Variants in PEMT observed in about 807,000 individuals in gnomAD.
The protein encoded by PEMT is phospholipid methyltransferase.
PEMT carries 23 observed loss-of-function variants against 27.4 expected under a neutral mutation model. The ratio of observed to expected loss-of-function variants is 0.84; its 90% CI spans 0.60 to 1.19. The LOEUF (loss-of-function observed/expected upper bound fraction) is 1.19, where lower values mean the gene tolerates loss of function less well. PEMT is among the 50% of genes most tolerant of loss of function. The pLI, the probability that PEMT is intolerant of heterozygous loss-of-function variation, is 0.00. For synonymous variants in PEMT, 137 were observed against 139.1 expected (o/e 0.98, Z 0.11); for missense variants, 307 against 310.1 (o/e 0.99, Z 0.07).
chr17:17,591,657 GC>G lies in PEMT; in HGVS notation c.-32del. ...GGCCGCCTCAGGAGGCACCACGCGG[GC>G]CCCGCTGCAGCCACGCGCCCCCGGA... is the stretch of plus-strand genomic sequence containing the variant. On this transcript the variant is annotated 5_prime_UTR_variant, in exon 1 of 7. Transcript: ENST00000255389. The G allele has an allele frequency of 6.3e-7, 1 of 1,597,088 alleles. No individual in the cohort carries two copies. The highest frequency in any genetic ancestry group is 1.1e-5 in the South Asian group (1 of 88,932).
chr17:17,524,602 A>G (rs1374892944), intron 2 of PEMT, among the ~76,000 whole-genome samples: 4 of 28,336 alleles, frequency 1.4e-4, no homozygotes, highest in African/African-American at 4.2e-4. Context: ...TGTCTCTCCA[A>G]AAAAAAAAAA....
At chr17:17,559,173 G>A (rs911876808) in intron 2 of PEMT, among the ~76,000 whole-genome samples, 9 of 152,160 alleles carry the variant, frequency 5.9e-5, no homozygotes, top group Non-Finnish European at 8.8e-5. Flanking sequence ...GTGTGCTGGC[G>A]AGGCTGGTCC....
At chr17:17,552,422 CTAA>C (rs762608980) in intron 2 of PEMT, among the ~76,000 whole-genome samples, 2 of 152,248 alleles carry the variant, frequency 1.3e-5, no homozygotes, top group Non-Finnish European at 2.9e-5. Flanking sequence ...ATTCTCATGT[CTAA>C]TAAGGGCCTT....
intron 2 of PEMT, among the ~76,000 whole-genome samples, chr17:17,536,668 C>T (rs1161714507): frequency 6.6e-6 from 1 of 152,210 alleles, no homozygotes; most frequent in Non-Finnish European, 1.5e-5. Context: ...ACAGAGCTGT[C>T]CCTTCCTCAC....
chr17:17,583,631 GC>G (rs1406944905), intron 1 of PEMT, among the ~76,000 whole-genome samples: 3 of 152,164 alleles, frequency 2.0e-5, no homozygotes, highest in Non-Finnish European at 4.4e-5. Flanking sequence ...GATGAGACAG[GC>G]CACCTGAGGT....
At chr17:17,528,099 A>G (rs1012990085) in intron 2 of PEMT, among the ~76,000 whole-genome samples, 4 of 152,328 alleles carry the variant, frequency 2.6e-5, no homozygotes, top group South Asian at 2.1e-4. Flanking sequence ...AGCTTTGCCA[A>G]GGGCCCACGG....
At chr17:17,525,038 C>T (rs952858184) in intron 2 of PEMT, among the ~76,000 whole-genome samples, 2 of 152,052 alleles carry the variant, frequency 1.3e-5, no homozygotes, top group African/African-American at 2.4e-5. Context: ...ACCTAGGAGG[C>T]GGAGGTTGCA....
chr17:17,574,862 G>C (rs1423557824), intron 2 of PEMT, among the ~76,000 whole-genome samples: 1 of 152,216 alleles, frequency 6.6e-6, no homozygotes, highest in East Asian at 1.9e-4. Context: ...AAGCCAGAGG[G>C]CAGGGACCTC....
intron 1 of PEMT, among the ~76,000 whole-genome samples, chr17:17,587,682 C>G (rs1470906195): frequency 2.0e-5 from 3 of 151,978 alleles, no homozygotes; most frequent in Non-Finnish European, 2.9e-5. Context: ...GGCCAACAAC[C>G]CTGTCGCTAC....
chr17:17,576,980 CA>C lies in PEMT; in HGVS notation c.143del (p.Leu48ArgfsTer32), dbSNP rs900741142. 7 of 1,613,940 alleles carry C rather than the reference CA, an allele frequency of 4.3e-6. No homozygotes were observed. Among genetic ancestry groups the C allele is most frequent in the African/African-American group, 4.0e-5 (3 of 74,908 alleles). Reference protein sequence around the residue: ...MTRLLGYVDPLDPSFVAAVIT... With the variant: ...MTRLLGYVDPXDPSFVAAVIT... ...TGACGGCAGCCACAAAGCTGGGATC[CA>C]GGGGGTCCACGTAGCCCAGCAGCCG... On this transcript the variant is annotated frameshift_variant, in exon 2 of 7. Coordinates refer to ENST00000255389, the MANE Select transcript of PEMT (RefSeq NM_148172.3). LOFTEE classifies it high-confidence loss of function.
intron 2 of PEMT, among the ~76,000 whole-genome samples, chr17:17,528,579 C>T (rs1907865206): frequency 6.6e-6 from 1 of 152,198 alleles, no homozygotes; most frequent in South Asian, 2.1e-4. Context: ...GGCCCTAAGG[C>T]CCCCAGGGTA....
rs1259286960 is a variant in PEMT at position 17,522,293 on chromosome 17, G to A, written c.307C>T (p.Leu103=). 1.9e-6 allele frequency: 3 copies of A among 1,612,510 alleles called. No homozygotes were observed. In the East Asian group the frequency reaches 6.7e-5, roughly 36 times the overall value. The part of the protein sequence containing the change: ...LSVTILLLNF[L]RSHCFTQAML... ...AGCTGTGCTTACCAGTGCGAGCGCA[G>A]GAAGTTCAGGAGCAGGATGGTGACG... The change falls in exon 3 of 7, where the codon CTG becomes TTG. Residue 103 remains leucine (L), a synonymous_variant. Transcript: ENST00000255389.
At chr17:17,507,136 T>C in intron 5 of PEMT, 13 of 1,553,388 alleles carry the variant, frequency 8.4e-6, no homozygotes, top group Non-Finnish European at 1.0e-5. Context: ...ATAGCTGCCG[T>C]CAAGCTGTCC....
Position 17,523,413 on chromosome 17 carries a change from G to A in PEMT, c.205-1018C>T, listed in dbSNP as rs1212763836. 6.6e-6 allele frequency among the ~76,000 whole-genome samples: 1 copy of A among 152,236 alleles called. No homozygotes were observed. The highest frequency in any genetic ancestry group is 1.5e-5 in the Non-Finnish European group (1 of 68,044). ...TAGCGATGATTTCCTCAAGGCCACT[G>A]ACTCCCAGAAGGTGGCTCCCTAGTG... is the stretch of plus-strand genomic sequence containing the variant. On this transcript the variant is annotated intron_variant, in intron 2 of 6. Transcript: ENST00000255389. The surrounding 1 kb of genome is among the most constrained non-coding windows in gnomAD (Gnocchi z 4.8).
At chr17:17,530,787 C>G (rs143712577) in intron 2 of PEMT, among the ~76,000 whole-genome samples, 2 of 151,880 alleles carry the variant, frequency 1.3e-5, no homozygotes, top group Non-Finnish European at 2.9e-5. Context: ...AAAAGTGGTA[C>G]AAAAATGAAA....
chr17:17,516,156 T>C (rs1037764269), intron 3 of PEMT, among the ~76,000 whole-genome samples: 14 of 152,122 alleles, frequency 9.2e-5, no homozygotes, highest in Non-Finnish European at 1.3e-4. Flanking sequence ...CTGAGTGCCA[T>C]GTACTCCACA....
In PEMT at chr17:17,512,322, G is replaced by A. The variant is rs1008368635; in HGVS notation, c.466+187C>T. 3.3e-5 allele frequency among the ~76,000 whole-genome samples: 5 copies of A among 152,226 alleles called. No homozygotes were observed. The highest frequency in any genetic ancestry group is 5.9e-5 in the Non-Finnish European group (4 of 68,026). ...TCAGCACGCTGGGGTAAGAGGAGCT[G>A]TTGGAGCCCAGCCTCCTGTTCTAAC... On this transcript the variant is annotated intron_variant, in intron 4 of 6. Transcript: ENST00000255389. This position sits in a 1 kb window ranked among gnomAD's most constrained non-coding sequence, Gnocchi z 6.3.
chr17:17,543,215 G>A (rs2142609713), intron 2 of PEMT, among the ~76,000 whole-genome samples: 1 of 152,356 alleles, frequency 6.6e-6, no homozygotes, highest in Middle Eastern at 3.4e-3. Context: ...TGTGACCACT[G>A]ACCGTCCACT....
chr17:17,519,520 C>G (rs1597881402), intron 3 of PEMT, among the ~76,000 whole-genome samples: 1 of 152,170 alleles, frequency 6.6e-6, no homozygotes, highest in East Asian at 1.9e-4. Context: ...AAGAACAAAC[C>G]AGACAGTGCT....
Sources: allele counts gnomAD v4.1 joint callset (sites outside exome capture counted in the v4.1 genomes callset), GRCh38; gene constraint gnomAD v4.1.1; non-coding constraint Gnocchi (gnomAD v3.1); transcripts MANE v1.5; gene names NCBI Gene and HGNC (gene_info 2026-07-23, HGNC 2026-07-21).